A2M: variants seen among roughly 807,000 people sequenced by gnomAD.
A2M encodes alpha-2-macroglobulin.
A neutral mutation model predicts 183.9 loss-of-function variants in A2M; 128 were observed. The ratio of observed to expected loss-of-function variants is 0.70; its 90% confidence interval spans 0.60 to 0.81. The LOEUF (loss-of-function observed/expected upper bound fraction) is 0.81. Ranked by LOEUF, A2M falls within the 30% of genes least tolerant of loss-of-function variation. The pLI, the probability that A2M is intolerant of heterozygous loss-of-function variation, is 0.00. For missense variants in A2M, 1,495 were observed against 1,787.6 expected (o/e 0.84, Z 2.95); for synonymous variants, 592 against 670.8 (o/e 0.88, Z 1.81).
intron 22 of A2M, among the ~76,000 whole-genome samples, chr12:9,080,692 G>C (rs1376599729): frequency 6.6e-6 from 1 of 152,086 alleles, no homozygotes; most frequent in East Asian, 1.9e-4. Flanking sequence ...AGAAAATTGA[G>C]GGTAAGGAAG....
chr12:9,080,208 A>T, intron 22 of A2M, 31 bp from the exon 23 acceptor site: 6 of 1,422,896 alleles, frequency 4.2e-6, no homozygotes, highest in Non-Finnish European at 5.8e-6. Flanking sequence ...GACATATGAA[A>T]ATTATTTCTG....
intron 15 of A2M, chr12:9,098,405 T>A (rs775219217): frequency 9.6e-6 from 3 of 311,028 alleles, no homozygotes; most frequent in Non-Finnish European, 1.6e-5. Context: ...ATTTTGTTTA[T>A]TTTTTTAACT....
Position 9,115,693 on chromosome 12 carries a change from GATA to G in A2M, c.86+68_86+70del. ...AGTATCATAGGAAAGAAAAAGGAATGATATAAAGAAAAATCTGCAATAAATGAA... is the reference window on the plus strand; with the variant it reads ...AGTATCATAGGAAAGAAAAAGGAATGTAAAGAAAAATCTGCAATAAATGAA... On this transcript the variant is annotated intron_variant, in intron 1 of 35. Coordinates refer to ENST00000318602, the MANE Select transcript of A2M (RefSeq NM_000014.6). 2.6e-6 allele frequency: 3 copies of G among 1,147,388 alleles called. No homozygotes were observed. In the South Asian group the frequency reaches 3.8e-5, roughly 15 times the overall value. The allele number at this position is 1,147,388 out of a possible 1,614,324, so 71.1% of individuals were successfully genotyped here.
At position 9,106,290 on chromosome 12, in the gene A2M, G is replaced by A. The variant is rs772854582; in HGVS notation, c.1050C>T (p.Leu350=). 2 of 1,613,624 alleles carry A rather than the reference G, an allele frequency of 1.2e-6. No homozygotes were observed. The highest frequency in any genetic ancestry group is 2.2e-5 in the South Asian group (2 of 91,056). Residue 350 remains leucine, a synonymous_variant, in exon 10 of 36, where the codon CTC becomes CTT. Transcript: ENST00000318602. ...AGTGTGAGTCCACTTTCACAAATGA[G>A]AGTTTGGTTATGGTTCTTGTGATTT... ...SSEITRTITK[L]SFVKVDSHFR... is the part of the protein sequence containing the mutation.
In A2M at chr12:9,098,606, C is replaced by T. The variant is rs751753636; in HGVS notation, c.1851+1G>A. The T allele has an allele frequency of 6.3e-7, 1 of 1,595,022 alleles. No homozygotes were observed. ...GATTCCTGAGGCTGCCAGGAACTCA[C>T]CGAGGACGCCGAGAGCTCAGCATCA... is the stretch of plus-strand genomic sequence containing the variant. On this transcript the variant is annotated splice_donor_variant, in intron 15 of 35. Coordinates refer to ENST00000318602, the MANE Select transcript of A2M (RefSeq NM_000014.6). LOFTEE classifies it high-confidence loss of function.
At chr12:9,107,753 C>CCTG in intron 7 of A2M, 109 bp from the exon 8 acceptor site, 1 of 1,267,958 alleles carries the variant, frequency 7.9e-7, no homozygotes, top group Non-Finnish European at 1.1e-6. Context: ...CTGTACTTCC[C>CCTG]TCTGCTCTCT....
rs201094463 is a variant in A2M, at chr12:9,079,273, C to T, written c.3090G>A (p.Glu1030=). ...HYDGSYSTFG[E]RYGRNQGNTW... The stretch of plus-strand genomic sequence containing the variant: ...TGTTGCCCTGGTTCCTGCCATATCG[C>T]TCCCCAAAGGTGCTGTAGGAGCCAT... Residue 1030 remains glutamate, a synonymous_variant, in exon 25 of 36, where the codon GAG becomes GAA. Transcript: ENST00000318602. The T allele has an allele frequency of 2.0e-5, 33 of 1,613,674 alleles. No individual in the cohort carries two copies. In the Admixed American group the frequency reaches 4.2e-4, roughly 20 times the overall value.
intron 7 of A2M, 126 bp from the exon 8 acceptor site, chr12:9,107,770 C>T: frequency 1.9e-6 from 2 of 1,069,524 alleles, no homozygotes; most frequent in East Asian, 4.9e-5. Flanking sequence ...CTCTGCTGGG[C>T]TCACACAATA....
At chr12:9,080,299 G>A (rs752047879) in intron 22 of A2M, 122 bp from the exon 23 acceptor site, 34 of 537,794 alleles carry the variant, frequency 6.3e-5, no homozygotes, top group East Asian at 1.3e-4. Context: ...AAAGTTGTCC[G>A]CCTTTAATAC....
intron 4 of A2M, chr12:9,111,570 A>G (rs1480992473): frequency 2.2e-6 from 1 of 456,084 alleles, no homozygotes; most frequent in African/African-American, 2.0e-5. Context: ...TGGGTATGAG[A>G]GAAAGAGAAA....
chr12:9,092,684 A>AT (rs1375409597), intron 18 of A2M, among the ~76,000 whole-genome samples: 1 of 152,218 alleles, frequency 6.6e-6, no homozygotes, highest in Non-Finnish European at 1.5e-5. Flanking sequence ...TGCCACAGCC[A>AT]TTATGGAAAA....
intron 27 of A2M, 37 bp from the exon 28 acceptor site, chr12:9,076,973 A>G: frequency 1.3e-6 from 2 of 1,514,844 alleles, no homozygotes; most frequent in East Asian, 4.6e-5. Context: ...TAAGCTATGT[A>G]AACAGGCATA....
At chr12:9,072,969 T>C in intron 29 of A2M, 98 bp from the exon 30 acceptor site, 2 of 862,164 alleles carry the variant, frequency 2.3e-6, no homozygotes. Flanking sequence ...TTTGATTTCC[T>C]ACTTCCCTCA....
intron 2 of A2M, among the ~76,000 whole-genome samples, chr12:9,113,042 G>A (rs557878998): frequency 2.0e-4 from 31 of 151,676 alleles, no homozygotes; most frequent in Admixed American, 3.9e-4. Context: ...GGCTCATGTT[G>A]AGCCTTGGTC....
intron 22 of A2M, among the ~76,000 whole-genome samples, chr12:9,083,295 C>T (rs953755868): frequency 2.2e-4 from 34 of 151,602 alleles, no homozygotes; most frequent in Non-Finnish European, 3.8e-4. Flanking sequence ...ATGTAAATGA[C>T]GAGTTAATGG....
At chr12:9,094,834 A>G (rs1949324938) in intron 17 of A2M, 139 bp downstream of exon 17, 1 of 411,200 alleles carries the variant, frequency 2.4e-6, no homozygotes, top group Non-Finnish European at 4.2e-6. Flanking sequence ...ATATTACTAT[A>G]TGACCTTGAG....
intron 33 of A2M, chr12:9,069,102 T>G: frequency 3.5e-6 from 1 of 283,262 alleles, no homozygotes; most frequent in Non-Finnish European, 6.5e-6. Context: ...ATATATACTT[T>G]TTATTGGATG....
chr12:9,106,431 AT>A, intron 9 of A2M, 59 bp downstream of exon 9: 3 of 1,435,348 alleles, frequency 2.1e-6, no homozygotes, highest in Non-Finnish European at 2.9e-6. Context: ...ACAATTCATT[AT>A]TTGGCTAAGA....
At chr12:9,085,544 C>T (rs754994925) in intron 22 of A2M, among the ~76,000 whole-genome samples, 7 of 151,292 alleles carry the variant, frequency 4.6e-5, no homozygotes, top group Non-Finnish European at 1.0e-4. Flanking sequence ...ACAATAAACA[C>T]CAAAAAAGAA....
Sources: gnomAD v4.1 joint callset for allele counts (sites outside exome capture counted in the v4.1 genomes callset) on GRCh38, gnomAD v4.1.1 for gene constraint, MANE v1.5 for transcripts, NCBI Gene and HGNC (gene_info 2026-07-23, HGNC 2026-07-21) for gene names.